The following SGO1 variants were observed in gnomAD, a reference collection of about 807,000 sequenced individuals.
SGO1 encodes the protein shugoshin 1.
SGO1 carries 39 observed loss-of-function variants against 50.5 expected under a neutral mutation model. The ratio of observed to expected loss-of-function variants is 0.77; its 90% CI spans 0.60 to 1.01. SGO1 has a LOEUF of 1.01. Ranked by LOEUF, SGO1 falls within the 50% of genes least tolerant of loss-of-function variation. The pLI is 0.00. For synonymous variants in SGO1, 191 were observed against 205.1 expected, an observed-to-expected ratio of 0.93 and a Z score of 0.59; for missense variants, 638 against 606.0, an observed-to-expected ratio of 1.05 and a Z score of -0.55.
intron 8 of SGO1, among the ~76,000 whole-genome samples, chr3:20,162,290 C>A (rs1700078455): frequency 6.6e-6 from 1 of 152,180 alleles, no homozygotes; most frequent in Non-Finnish European, 1.5e-5. Context: ...ATACTTTGAA[C>A]AGGCTTGGGC....
rs369840848 is a variant in SGO1 at position 20,183,635 on chromosome 3, T to C, written c.312A>G (p.Thr104=). 2 of 1,597,690 alleles carry C rather than the reference T, an allele frequency of 1.3e-6. No homozygotes were observed. Among genetic ancestry groups the C allele is most frequent in the Non-Finnish European group, 1.7e-6 (2 of 1,175,812 alleles). ...CQLYALKGKL[T]SQQTVEPAQN... ...GAGCAGGTTCTACTGTTTGTTGTGA[T>C]GTAAGTTTTCCTTTCAATGCATATA... Residue 104 remains threonine (T), a synonymous_variant, in exon 3 of 8, where the codon ACA becomes ACG. Coordinates refer to ENST00000412997, the MANE Select transcript of SGO1 (RefSeq NM_001199251.3).
At chr3:20,168,054 G>A (rs2125244338), downstream of SGO1, among the ~76,000 whole-genome samples, 1 of 152,326 alleles carries the variant, frequency 6.6e-6, no homozygotes, top group East Asian at 1.9e-4. Flanking sequence ...GTAAAATGAT[G>A]TGTACAATAT....
Position 20,170,818 on chromosome 3 carries a change from G to C in SGO1, c.1473-3C>G. The C allele has an allele frequency of 6.3e-7, 1 of 1,586,874 alleles. No individual in the cohort carries two copies. Among genetic ancestry groups the C allele is most frequent in the Non-Finnish European group, 8.5e-7 (1 of 1,173,100 alleles). ...AAGGGTCCCCTCTTCTCAGTTTCCT[G>C]TAAGAGTAAAAAGAGATCTCAGGCA... On this transcript the variant is annotated splice_polypyrimidine_tract_variant and splice_region_variant and intron_variant, in intron 7 of 7. Coordinates refer to ENST00000412997, the MANE Select transcript of SGO1 (RefSeq NM_001199251.3).
At chr3:20,181,976 G>A (rs1243248056) in intron 3 of SGO1, among the ~76,000 whole-genome samples, 3 of 151,822 alleles carry the variant, frequency 2.0e-5, no homozygotes, top group South Asian at 2.1e-4. Context: ...CCAGCTACTC[G>A]GGAGGCTGAG....
At chr3:20,169,098 C>A, downstream of SGO1, 1 of 984,680 alleles carries the variant, frequency 1.0e-6, no homozygotes, top group South Asian at 4.7e-5. Flanking sequence ...AGTGATGTGG[C>A]GGATAGAAAA....
downstream of SGO1, among the ~76,000 whole-genome samples, chr3:20,165,399 G>A (rs1700242276): frequency 6.6e-6 from 1 of 152,098 alleles, no homozygotes; most frequent in Admixed American, 6.5e-5. Flanking sequence ...GGGATTTGGA[G>A]GAACCAAATT....
chr3:20,176,355 G>A (rs1575221396), intron 5 of SGO1, among the ~76,000 whole-genome samples: 1 of 152,132 alleles, frequency 6.6e-6, no homozygotes, highest in Non-Finnish European at 1.5e-5. Context: ...AGCTTGACAC[G>A]TAGTAGCAAT....
At chr3:20,172,632 G>A (rs58959589) in intron 6 of SGO1, among the ~76,000 whole-genome samples, 6 of 150,918 alleles carry the variant, frequency 4.0e-5, no homozygotes, top group South Asian at 2.1e-4. Flanking sequence ...TATTTTTTTC[G>A]TTTAAAAACG....
At chr3:20,184,117 C>A in intron 1 of SGO1, 83 bp from the exon 2 acceptor site, 1 of 1,068,554 alleles carries the variant, frequency 9.4e-7, no homozygotes, top group South Asian at 1.8e-5. Context: ...ATAAAGAATG[C>A]ATTAAATAGA....
Position 20,174,388 on chromosome 3 carries a change from G to A in SGO1, c.1143C>T (p.Leu381=), listed in dbSNP as rs1701119776. 2 of 1,614,056 alleles carry A rather than the reference G, an allele frequency of 1.2e-6. No individual in the cohort carries two copies. Among genetic ancestry groups the A allele is most frequent in the Admixed American group, 1.7e-5 (1 of 59,998 alleles). ...SSGSGDDSDD[L]YLPTCKYIQN... is the part of the protein sequence containing the mutation. ...GAATGTACTTGCAAGTGGGCAAATA[G>A]AGGTCATCGGAATCATCTCCTGAAC... The change falls in exon 6 of 8, where the codon CTC becomes CTT. Residue 381 remains leucine, a synonymous_variant. Transcript: ENST00000412997.
At chr3:20,168,820 C>T (rs889020438), downstream of SGO1, 10 of 374,314 alleles carry the variant, frequency 2.7e-5, no homozygotes, top group Admixed American at 1.3e-4. Context: ...TTAGTAGAGA[C>T]GGGGTTTCAC....
chr3:20,183,129 T>G (rs1702218396), intron 3 of SGO1, among the ~76,000 whole-genome samples: 1 of 152,220 alleles, frequency 6.6e-6, no homozygotes, highest in Non-Finnish European at 1.5e-5. Flanking sequence ...CAAAAAGCAC[T>G]TAAATACTCC....
chr3:20,178,567 C>A (rs975186742), intron 3 of SGO1, among the ~76,000 whole-genome samples: 3 of 152,096 alleles, frequency 2.0e-5, no homozygotes, highest in Non-Finnish European at 1.5e-5. Context: ...GATATATGTA[C>A]AAAATTTCAG....
intron 4 of SGO1, 36 bp downstream of exon 4, chr3:20,178,235 A>C (rs1477337462): frequency 7.3e-7 from 1 of 1,378,050 alleles, no homozygotes; most frequent in Non-Finnish European, 1.0e-6. Context: ...AACCTTTCTT[A>C]GTATTAATAA....
rs1044203826 is a variant in SGO1, at chr3:20,185,935, C to G, written c.-8+13G>C. ...GGAAGTCAAACAGGGATCACTACGC[C>G]CTTGTTTCGCACCTTAAAACCTACT... On this transcript the variant is annotated intron_variant, in intron 1 of 7. Coordinates refer to ENST00000412997, the MANE Select transcript of SGO1 (RefSeq NM_001199251.3). 1 of 152,184 alleles carries G rather than the reference C, an allele frequency of 6.6e-6. No homozygotes were observed. Among genetic ancestry groups the G allele is most frequent in the Non-Finnish European group, 1.5e-5 (1 of 68,036 alleles). The allele number at this position is 152,184 out of a possible 1,614,324, so 9.4% of individuals were successfully genotyped here.
downstream of SGO1, among the ~76,000 whole-genome samples, chr3:20,167,490 T>A (rs1700365232): frequency 6.6e-6 from 1 of 152,166 alleles, no homozygotes; most frequent in Admixed American, 6.5e-5. Context: ...TCCATAGTTT[T>A]ACATTCTATT....
rs1347967424 is a variant in SGO1 at position 20,170,312 on chromosome 3, C to T, written c.*392G>A. 1.6e-5 allele frequency: 9 copies of T among 550,072 alleles called. No individual in the cohort carries two copies. Among genetic ancestry groups the T allele is most frequent in the South Asian group, 1.6e-4 (2 of 12,406 alleles). The allele number at this position is 550,072 out of a possible 1,614,324, so 34.1% of individuals were successfully genotyped here. On this transcript the variant is annotated 3_prime_UTR_variant, in exon 8 of 8. Coordinates refer to ENST00000412997, the MANE Select transcript of SGO1 (RefSeq NM_001199251.3). ...ACTCGGGAGTCTGAGGCAGGAGAATCGCTTGAACCTGGGAGGCGGAGGTTG... is the reference window on the plus strand; with the variant it reads ...ACTCGGGAGTCTGAGGCAGGAGAATTGCTTGAACCTGGGAGGCGGAGGTTG...
intron 1 of SGO1, 69 bp from the exon 2 acceptor site, chr3:20,184,103 G>T (rs1702351476): frequency 3.1e-6 from 4 of 1,290,510 alleles, no homozygotes; most frequent in Non-Finnish European, 4.2e-6. Context: ...AACATAGGCT[G>T]TTCATAAAGA....
Position 20,174,352 on chromosome 3 carries a change from C to T in SGO1, c.1179G>A (p.Thr393=), listed in dbSNP as rs369380844. ...LPTCKYIQNP[T]SNSDRPVTRP... ...TGGTGACTGGTCTATCTGAATTGCT[C>T]GTGGGATTCTGAATGTACTTGCAAG... Residue 393 remains threonine, a synonymous_variant, in exon 6 of 8, where the codon ACG becomes ACA. Transcript: ENST00000412997. 49 of 1,613,988 alleles carry T rather than the reference C, an allele frequency of 3.0e-5. No homozygotes were observed. The highest frequency in any genetic ancestry group is 1.6e-4 in the Middle Eastern group (1 of 6,084).
Sources: allele counts gnomAD v4.1 joint callset (sites outside exome capture counted in the v4.1 genomes callset), GRCh38; gene constraint gnomAD v4.1.1; transcripts MANE v1.5; gene names NCBI Gene and HGNC (gene_info 2026-07-23, HGNC 2026-07-21).